The following TMEM255B variants were observed in gnomAD, a reference collection of about 807,000 sequenced individuals.
The protein encoded by TMEM255B is transmembrane protein 255B, also known as family with sequence similarity 70, member B.
Under a neutral mutation model 34.5 loss-of-function variants are expected in TMEM255B, and 35 were observed. The ratio of observed to expected loss-of-function variants is 1.01; its 90% CI spans 0.77 to 1.34. The LOEUF is 1.34. TMEM255B is among the 40% of genes most tolerant of loss of function. The pLI, the probability that TMEM255B is intolerant of heterozygous loss-of-function variation, is 0.00. For missense variants in TMEM255B, 432 were observed against 433.2 expected, an observed-to-expected ratio of 1.00 and a Z score of 0.02; for synonymous variants, 206 against 201.2, an observed-to-expected ratio of 1.02 and a Z score of -0.20.
At chr13:113,794,452 C>T (rs774757531) in intron 3 of TMEM255B, among the ~76,000 whole-genome samples, 1 of 152,020 alleles carries the variant, frequency 6.6e-6, no homozygotes, top group East Asian at 1.9e-4. Context: ...CGGAACCAAG[C>T]GAGATGCCAA....
At chr13:113,775,826 G>A (rs1171247261) in intron 3 of TMEM255B, among the ~76,000 whole-genome samples, 5 of 152,300 alleles carry the variant, frequency 3.3e-5, no homozygotes, top group East Asian at 1.9e-4. Flanking sequence ...CCAGCTCTCC[G>A]TGCCTGTCAG....
intron 8 of TMEM255B, among the ~76,000 whole-genome samples, chr13:113,808,498 T>C (rs986882979): frequency 6.6e-6 from 1 of 152,078 alleles, no homozygotes; most frequent in Non-Finnish European, 1.5e-5. Context: ...TATTCCATGG[T>C]TCCTGGCGGT....
chr13:113,766,549 A>G (rs1748638067), intron 2 of TMEM255B: 1 of 461,268 alleles, frequency 2.2e-6, no homozygotes, highest in Admixed American at 3.4e-5. Context: ...TCACAGGGTG[A>G]CCAGAGGGCA....
intron 3 of TMEM255B, among the ~76,000 whole-genome samples, chr13:113,794,358 C>G (rs929168466): frequency 6.6e-6 from 1 of 152,122 alleles, no homozygotes; most frequent in East Asian, 1.9e-4. Flanking sequence ...TGTGCCCGAG[C>G]CACAGGCCCT....
At chr13:113,794,088 G>A (rs753298757) in intron 3 of TMEM255B, among the ~76,000 whole-genome samples, 3 of 152,242 alleles carry the variant, frequency 2.0e-5, no homozygotes, top group African/African-American at 4.8e-5. Flanking sequence ...GGACACACAG[G>A]GCCATGCTGA....
intron 5 of TMEM255B, chr13:113,800,028 T>G: frequency 8.2e-7 from 1 of 1,226,806 alleles, no homozygotes. Context: ...ACCTGCCAGC[T>G]TGTCTGGGAC....
At chr13:113,802,443 T>C (rs562894060) in intron 7 of TMEM255B, among the ~76,000 whole-genome samples, 2 of 152,202 alleles carry the variant, frequency 1.3e-5, no homozygotes, top group South Asian at 4.1e-4. Context: ...GCAGAGAAGC[T>C]GTAAGGGATG....
intron 3 of TMEM255B, among the ~76,000 whole-genome samples, chr13:113,790,231 G>A (rs1277638784): frequency 1.7e-5 from 2 of 119,162 alleles, no homozygotes; most frequent in African/African-American, 5.3e-5. Context: ...TCCTAGCGCT[G>A]GACTGACCGG....
At chr13:113,804,419 C>T (rs574182120) in intron 7 of TMEM255B, among the ~76,000 whole-genome samples, 17 of 152,188 alleles carry the variant, frequency 1.1e-4, no homozygotes, top group Admixed American at 5.2e-4. Context: ...CTTTGGGGCC[C>T]GGAGAGAAGG....
intron 4 of TMEM255B, among the ~76,000 whole-genome samples, chr13:113,796,537 A>ACACAC (rs970009039): frequency 6.6e-6 from 1 of 151,878 alleles, no homozygotes; most frequent in Non-Finnish European, 1.5e-5. Flanking sequence ...CACACAGAGC[A>ACACAC]CACACCACAC....
chr13:113,801,559 C>G, intron 6 of TMEM255B, 94 bp from the exon 7 acceptor site: 2 of 1,390,894 alleles, frequency 1.4e-6, no homozygotes, highest in Non-Finnish European at 1.9e-6. Context: ...TTTCCTCCCC[C>G]AGCCCTGCAG....
rs1176666142 is a variant in TMEM255B at position 113,811,950 on chromosome 13, A to G, written c.*47A>G. The G allele has an allele frequency of 7.8e-6, 12 of 1,533,566 alleles. No individual in the cohort carries two copies. The highest frequency in any genetic ancestry group is 4.2e-5 in the African/African-American group (3 of 71,330). 95.0% of individuals were successfully genotyped at this position (1,533,566 alleles called of 1,614,324 possible). Reference sequence around the variant, plus strand: ...AACTTGTTTGTTTTTTTTTTTAAAAAAAAGGCAGCCTCTAGAAATCCCGCT... The same window carrying G: ...AACTTGTTTGTTTTTTTTTTTAAAAGAAAGGCAGCCTCTAGAAATCCCGCT... On this transcript the variant is annotated 3_prime_UTR_variant, in exon 9 of 9. Transcript: ENST00000375353.
At chr13:113,804,359 G>T (rs1454007556) in intron 7 of TMEM255B, among the ~76,000 whole-genome samples, 3 of 152,338 alleles carry the variant, frequency 2.0e-5, no homozygotes, top group East Asian at 3.9e-4. Context: ...CATCAGCCCG[G>T]TGCTGAGAGG....
At chr13:113,798,858 ATGAT>A (rs2050990901) in intron 4 of TMEM255B, among the ~76,000 whole-genome samples, 2 of 151,862 alleles carry the variant, frequency 1.3e-5, no homozygotes, top group African/African-American at 2.4e-5. Flanking sequence ...GGATGCACAG[ATGAT>A]TGATTGGATG....
intron 3 of TMEM255B, among the ~76,000 whole-genome samples, chr13:113,778,976 G>T (rs933284867): frequency 6.6e-6 from 1 of 152,182 alleles, no homozygotes; most frequent in East Asian, 1.9e-4. Context: ...GAGGGGCTTC[G>T]GGCCGATTTA....
intron 1 of TMEM255B, among the ~76,000 whole-genome samples, chr13:113,762,532 G>A (rs1204593894): frequency 2.6e-5 from 4 of 152,194 alleles, no homozygotes; most frequent in Admixed American, 1.3e-4. Flanking sequence ...TCAGGAAAGA[G>A]GGGTAAACAT....
chr13:113,763,061 G>A (rs1331121918), intron 1 of TMEM255B, among the ~76,000 whole-genome samples: 1 of 152,316 alleles, frequency 6.6e-6, no homozygotes, highest in East Asian at 1.9e-4. Context: ...AGGCTGAAGC[G>A]GGAATTGTGT....
chr13:113,768,184 A>G (rs1344639823), intron 2 of TMEM255B: 1 of 470,162 alleles, frequency 2.1e-6, no homozygotes, highest in South Asian at 1.6e-5. Context: ...GGCCCGGCGC[A>G]CCTGCGTGGG....
intron 3 of TMEM255B, among the ~76,000 whole-genome samples, chr13:113,791,630 C>T (rs1240821991): frequency 6.6e-6 from 1 of 152,156 alleles, no homozygotes; most frequent in Admixed American, 6.5e-5. Context: ...GTTTAGAGCC[C>T]CAAGTCCTTA....
Sources: allele counts gnomAD v4.1 joint callset (sites outside exome capture counted in the v4.1 genomes callset), GRCh38; gene constraint gnomAD v4.1.1; transcripts MANE v1.5; gene names NCBI Gene and HGNC (gene_info 2026-07-23, HGNC 2026-07-21).